The following LHFPL3 variants were observed in gnomAD, a reference collection of about 807,000 sequenced individuals.
LHFPL3 encodes LHFPL tetraspan subfamily member 3 protein.
A neutral mutation model predicts 19.3 loss-of-function variants in LHFPL3; 5 were observed. The observed-to-expected ratio is 0.26, with a 90% CI of 0.14 to 0.54. The LOEUF (loss-of-function observed/expected upper bound fraction) is 0.54. Among genes scored for constraint, LHFPL3 ranks in the 20% least tolerant of loss-of-function variants. The probability of loss-of-function intolerance (pLI) is 0.94; values close to 1 mark genes in which losing one functional copy is unlikely to be tolerated. For synonymous variants in LHFPL3, 133 were observed against 126.2 expected (o/e 1.05, Z -0.36); for missense variants, 249 against 307.4 (o/e 0.81, Z 1.42).
chr7:104,732,417 A>C lies in LHFPL3; in HGVS notation c.446-4258A>C, dbSNP rs564826557. On this transcript the variant is annotated intron_variant, in intron 1 of 2. Coordinates refer to ENST00000424859, the MANE Select transcript of LHFPL3 (RefSeq NM_199000.3). ...CAATGACAGAGCCTGTTATTGGTCTATTCAGAGATTCAACTTCTTCCTGGT... is the reference window on the plus strand; with the variant it reads ...CAATGACAGAGCCTGTTATTGGTCTCTTCAGAGATTCAACTTCTTCCTGGT... Among the ~76,000 whole-genome samples, 5 of 152,304 alleles carry C rather than the reference A, an allele frequency of 3.3e-5. No homozygotes were observed. The South Asian group carries it at 1.0e-3, about 32-fold the overall frequency.
intron 1 of LHFPL3, among the ~76,000 whole-genome samples, chr7:104,531,770 G>A (rs1034557470): frequency 3.9e-5 from 6 of 152,062 alleles, no homozygotes; most frequent in African/African-American, 1.4e-4. Context: ...ATTTCATTCT[G>A]ACTCTGTGAT....
At chr7:104,522,920 G>T (rs1197322647) in intron 1 of LHFPL3, among the ~76,000 whole-genome samples, 2 of 152,078 alleles carry the variant, frequency 1.3e-5, no homozygotes, top group African/African-American at 4.8e-5. Flanking sequence ...GCGGCAGTGA[G>T]TTTGTGGAAG....
At chr7:104,450,322 CCTT>C (rs1247122800) in intron 1 of LHFPL3, among the ~76,000 whole-genome samples, 3 of 152,162 alleles carry the variant, frequency 2.0e-5, no homozygotes, top group African/African-American at 7.2e-5. Context: ...ATGAGGTTAT[CCTT>C]CTGGGTAGAA....
At chr7:104,648,112 C>G (rs373417015) in intron 1 of LHFPL3, among the ~76,000 whole-genome samples, 1 of 152,146 alleles carries the variant, frequency 6.6e-6, no homozygotes, top group East Asian at 1.9e-4. Context: ...CTGACTAGGC[C>G]GGGCCATTTC....
At chr7:104,686,170 C>A (rs1393223482) in intron 1 of LHFPL3, among the ~76,000 whole-genome samples, 1 of 152,170 alleles carries the variant, frequency 6.6e-6, no homozygotes, top group Non-Finnish European at 1.5e-5. Flanking sequence ...CTGTTACCTA[C>A]CTCAGAAGCG....
intron 1 of LHFPL3, among the ~76,000 whole-genome samples, chr7:104,466,683 C>G (rs1792791846): frequency 6.6e-6 from 1 of 152,188 alleles, no homozygotes; most frequent in East Asian, 1.9e-4. Context: ...TGGGCCAAGA[C>G]TTTACAGATA....
At chr7:104,833,049 T>TATAATAGAG (rs1427274734) in intron 2 of LHFPL3, among the ~76,000 whole-genome samples, 1 of 32,434 alleles carries the variant, frequency 3.1e-5, no homozygotes, top group Admixed American at 5.3e-4. Flanking sequence ...ATATATTATA[T>TATAATAGAG]ATATATTATA....
Position 104,797,277 on chromosome 7 carries a change from G to A in LHFPL3, c.682+60366G>A, listed in dbSNP as rs1045611485. Among the ~76,000 whole-genome samples the A allele has an allele frequency of 2.6e-5, 4 of 152,140 alleles. No individual in the cohort carries two copies. The East Asian group carries it at 5.8e-4, about 22-fold the overall frequency. On this transcript the variant is annotated intron_variant, in intron 2 of 2. Coordinates refer to ENST00000424859, the MANE Select transcript of LHFPL3 (RefSeq NM_199000.3). ...GCATTTCTGAATTCCCACCTTCCTGGCACATGATAGGATTGTACCTCCTGG... is the reference window on the plus strand; with the variant it reads ...GCATTTCTGAATTCCCACCTTCCTGACACATGATAGGATTGTACCTCCTGG...
At chr7:104,769,406 C>G (rs986254504) in intron 2 of LHFPL3, among the ~76,000 whole-genome samples, 5 of 152,100 alleles carry the variant, frequency 3.3e-5, no homozygotes, top group Non-Finnish European at 7.4e-5. Context: ...TTAAGTTGAA[C>G]CAGAGAAAAT....
chr7:104,756,018 T>C (rs1794278977), intron 2 of LHFPL3, among the ~76,000 whole-genome samples: 1 of 152,042 alleles, frequency 6.6e-6, no homozygotes, highest in African/African-American at 2.4e-5. Context: ...AATAAGCTAG[T>C]TGGTAACTAA....
chr7:104,790,741 C>T (rs2470965), intron 2 of LHFPL3, among the ~76,000 whole-genome samples: 102,583 of 151,984 alleles, frequency 0.67, 34,962 homozygotes, highest in East Asian at 0.95. Flanking sequence ...AACCAGTTGT[C>T]AGAAGACCAG....
intron 1 of LHFPL3, among the ~76,000 whole-genome samples, chr7:104,521,930 C>T (rs1302163092): frequency 6.6e-6 from 1 of 152,078 alleles, no homozygotes; most frequent in Non-Finnish European, 1.5e-5. Context: ...CACTCTTACA[C>T]TGTTGGTGGG....
chr7:104,651,098 T>C lies in LHFPL3; in HGVS notation c.446-85577T>C, dbSNP rs376251377. On this transcript the variant is annotated intron_variant, in intron 1 of 2. Coordinates refer to ENST00000424859, the MANE Select transcript of LHFPL3 (RefSeq NM_199000.3). Reference sequence around the variant, plus strand: ...AGACTGCATAATGCTGCATGGGGTATGGAACGAGGGTGGATTTGAGCCAAA... The same window carrying C: ...AGACTGCATAATGCTGCATGGGGTACGGAACGAGGGTGGATTTGAGCCAAA... Among the ~76,000 whole-genome samples the C allele has an allele frequency of 1.9e-3, 287 of 152,210 alleles. 3 individuals carry two copies. The highest frequency in any genetic ancestry group is 6.0e-3 in the African/African-American group (250 of 41,536).
intron 1 of LHFPL3, among the ~76,000 whole-genome samples, chr7:104,440,034 C>CT (rs1357578696): frequency 3.2e-5 from 1 of 31,090 alleles, no homozygotes; most frequent in Non-Finnish European, 5.5e-5. Flanking sequence ...AATACAAAGC[C>CT]TGGGGGGGGG....
In LHFPL3 at chr7:104,440,414, TG is replaced by T. The variant is rs1477113493; in HGVS notation, c.445+111194del. 2.1e-5 allele frequency among the ~76,000 whole-genome samples: 3 copies of T among 139,670 alleles called. No individual in the cohort carries two copies. In the Admixed American group the frequency reaches 2.2e-4, roughly 10 times the overall value. The allele number at this position is 139,670 out of a possible 152,430, so 91.6% of individuals were successfully genotyped here. A position where few individuals can be genotyped will look rare whatever the true frequency, so the allele number is the denominator to read the frequency against. On this transcript the variant is annotated intron_variant, in intron 1 of 2. Transcript: ENST00000424859. Reference sequence around the variant, plus strand: ...AAACATCACACACCGGGGCCTGTCGTGGGGTGGGGGGAGTGGGGAGGGATAG... The same window carrying T: ...AAACATCACACACCGGGGCCTGTCGTGGGTGGGGGGAGTGGGGAGGGATAG...
chr7:104,435,485 A>C (rs879357006), intron 1 of LHFPL3, among the ~76,000 whole-genome samples: 42 of 151,108 alleles, frequency 2.8e-4, no homozygotes, highest in Non-Finnish European at 5.0e-4. Context: ...TTTTTTTATA[A>C]AATGACTTTT....
At chr7:104,470,041 T>A (rs1285760291) in intron 1 of LHFPL3, 5 of 456,030 alleles carry the variant, frequency 1.1e-5, no homozygotes, top group Non-Finnish European at 2.2e-5. Context: ...CTTCGGGTGT[T>A]TACTGCCTTG....
chr7:104,748,902 G>T (rs533698286), intron 2 of LHFPL3, among the ~76,000 whole-genome samples: 18 of 152,300 alleles, frequency 1.2e-4, no homozygotes, highest in Non-Finnish European at 2.2e-4. Flanking sequence ...GGCGCCCAAC[G>T]TGGGGCTAAG....
chr7:104,402,530 G>T (rs4727599), intron 1 of LHFPL3, among the ~76,000 whole-genome samples: 51,776 of 151,988 alleles, frequency 0.34, 9,206 homozygotes, highest in Admixed American at 0.48. Context: ...GTTTGTGGCT[G>T]AGAATCGTAT....
Sources: gnomAD v4.1 joint callset for allele counts (sites outside exome capture counted in the v4.1 genomes callset) on GRCh38, gnomAD v4.1.1 for gene constraint, MANE v1.5 for transcripts, NCBI Gene and HGNC (gene_info 2026-07-23, HGNC 2026-07-21) for gene names.